Variants in SYNDIG1 observed in about 807,000 individuals in gnomAD.
The protein encoded by SYNDIG1 is synapse differentiation-inducing gene protein 1.
SYNDIG1 carries 9 observed loss-of-function variants against 19.4 expected under a neutral mutation model. The observed-to-expected ratio is 0.46, with a 90% CI of 0.28 to 0.81. SYNDIG1 has a LOEUF of 0.81. SYNDIG1 is among the 30% of genes least tolerant of loss of function. The pLI is 0.12. For synonymous variants in SYNDIG1, 141 were observed against 145.9 expected, an observed-to-expected ratio of 0.97 and a Z score of 0.24; for missense variants, 311 against 343.3, an observed-to-expected ratio of 0.91 and a Z score of 0.74.
chr20:24,575,108 A>G (rs2146963768), intron 2 of SYNDIG1, among the ~76,000 whole-genome samples: 1 of 152,370 alleles, frequency 6.6e-6, no homozygotes, highest in Non-Finnish European at 1.5e-5. Flanking sequence ...TGCAGAATGC[A>G]GCCTTACAAG....
intron 3 of SYNDIG1, among the ~76,000 whole-genome samples, chr20:24,606,413 G>A (rs1600728882): frequency 2.6e-5 from 4 of 152,294 alleles, no homozygotes; most frequent in Admixed American, 2.6e-4. Context: ...TAGATATCTA[G>A]CAGATAATTA....
intron 3 of SYNDIG1, among the ~76,000 whole-genome samples, chr20:24,599,952 A>G (rs1386757481): frequency 1.3e-5 from 2 of 152,220 alleles, no homozygotes; most frequent in Non-Finnish European, 2.9e-5. Flanking sequence ...ACAAAACTCT[A>G]TTATATCCAG....
intron 3 of SYNDIG1, among the ~76,000 whole-genome samples, chr20:24,663,752 G>A (rs1444621041): frequency 6.6e-6 from 1 of 152,342 alleles, no homozygotes; most frequent in East Asian, 1.9e-4. Flanking sequence ...AGCTGTAGCA[G>A]CTCCACCTTC....
At chr20:24,597,464 G>A (rs2147104679) in intron 3 of SYNDIG1, among the ~76,000 whole-genome samples, 1 of 152,244 alleles carries the variant, frequency 6.6e-6, no homozygotes, top group East Asian at 1.9e-4. Context: ...TGCTAAGGCT[G>A]GGAGGGGGCT....
At chr20:24,557,344 G>T (rs1363726404) in intron 2 of SYNDIG1, among the ~76,000 whole-genome samples, 1 of 152,336 alleles carries the variant, frequency 6.6e-6, no homozygotes, top group East Asian at 1.9e-4. Flanking sequence ...TCCGTTGCTG[G>T]TGAGGAACTG....
At chr20:24,657,096 G>A (rs937432741) in intron 3 of SYNDIG1, among the ~76,000 whole-genome samples, 2 of 152,156 alleles carry the variant, frequency 1.3e-5, no homozygotes, top group Non-Finnish European at 1.5e-5. Flanking sequence ...AGATGCTGGC[G>A]CCATGTTTCC....
intron 3 of SYNDIG1, among the ~76,000 whole-genome samples, chr20:24,586,554 G>A (rs2058421479): frequency 6.6e-6 from 1 of 152,236 alleles, no homozygotes; most frequent in Admixed American, 6.5e-5. Flanking sequence ...GCACCCTGAT[G>A]CTGCCAATAG....
chr20:24,663,824 C>T (rs1363304740), intron 3 of SYNDIG1, among the ~76,000 whole-genome samples: 1 of 152,068 alleles, frequency 6.6e-6, no homozygotes, highest in Non-Finnish European at 1.5e-5. Flanking sequence ...ATGGCGGGGA[C>T]ACAAAGCCAT....
At chr20:24,506,326 A>G (rs1047199613) in intron 1 of SYNDIG1, among the ~76,000 whole-genome samples, 1 of 152,188 alleles carries the variant, frequency 6.6e-6, no homozygotes, top group Non-Finnish European at 1.5e-5. Context: ...GTGGCAGCAC[A>G]CCCACATACC....
chr20:24,474,379 A>G (rs2055556341), intron 1 of SYNDIG1, among the ~76,000 whole-genome samples: 1 of 152,226 alleles, frequency 6.6e-6, no homozygotes, highest in Non-Finnish European at 1.5e-5. Flanking sequence ...AACAACAGAT[A>G]AGCTTCAGGA....
intron 2 of SYNDIG1, among the ~76,000 whole-genome samples, chr20:24,574,490 AAAAT>A (rs1234409729): frequency 6.6e-6 from 1 of 151,670 alleles, no homozygotes; most frequent in African/African-American, 2.4e-5. Flanking sequence ...CTCTGTCTCT[AAAAT>A]AAATAAATAA....
chr20:24,551,460 C>T (rs968583964), intron 2 of SYNDIG1, among the ~76,000 whole-genome samples: 5 of 151,860 alleles, frequency 3.3e-5, no homozygotes, highest in Admixed American at 2.6e-4. Context: ...ATTTTTCTCT[C>T]GTTATTTAGT....
chr20:24,629,339 C>T, intron 3 of SYNDIG1, among the ~76,000 whole-genome samples: 1 of 152,138 alleles, frequency 6.6e-6, no homozygotes, highest in East Asian at 1.9e-4. Context: ...TCAGCAGTGT[C>T]TTAGGATGGA....
chr20:24,562,809 T>C (rs1046926258), intron 2 of SYNDIG1, among the ~76,000 whole-genome samples: 1 of 152,242 alleles, frequency 6.6e-6, no homozygotes, highest in African/African-American at 2.4e-5. Flanking sequence ...GCTGCCTTAA[T>C]AAAGGGAACA....
chr20:24,550,134 G>A (rs2057676387), intron 2 of SYNDIG1, among the ~76,000 whole-genome samples: 1 of 152,158 alleles, frequency 6.6e-6, no homozygotes, highest in South Asian at 2.1e-4. Context: ...TGAGGATGGG[G>A]CTTTGCCAGG....
At chr20:24,576,024 G>T (rs1460329196) in intron 2 of SYNDIG1, among the ~76,000 whole-genome samples, 1 of 152,106 alleles carries the variant, frequency 6.6e-6, no homozygotes, top group African/African-American at 2.4e-5. Context: ...GTGACAGCAC[G>T]AAAGTCCCTC....
intron 1 of SYNDIG1, among the ~76,000 whole-genome samples, chr20:24,504,753 G>A (rs1025156803): frequency 6.6e-6 from 1 of 152,226 alleles, no homozygotes; most frequent in African/African-American, 2.4e-5. Context: ...GAGACTAAAC[G>A]GGGGTTGGCA....
intron 1 of SYNDIG1, among the ~76,000 whole-genome samples, chr20:24,498,736 G>A (rs1279760180): frequency 6.6e-6 from 1 of 152,212 alleles, no homozygotes; most frequent in Non-Finnish European, 1.5e-5. Context: ...CCATGTCACA[G>A]AGGTCAGGAT....
intron 3 of SYNDIG1, among the ~76,000 whole-genome samples, chr20:24,652,569 A>G (rs950849006): frequency 6.6e-6 from 1 of 152,262 alleles, no homozygotes; most frequent in Non-Finnish European, 1.5e-5. Flanking sequence ...TTCTTCATTC[A>G]GCCGACTGTG....
Sources: gnomAD v4.1 joint callset for allele counts (sites outside exome capture counted in the v4.1 genomes callset) on GRCh38, gnomAD v4.1.1 for gene constraint, MANE v1.5 for transcripts, NCBI Gene and HGNC (gene_info 2026-07-23, HGNC 2026-07-21) for gene names.